IL12RB1: variants seen among roughly 807,000 people sequenced by gnomAD.
IL12RB1 encodes interleukin 12 receptor subunit beta 1, also known as interleukin-12 receptor subunit beta-1.
A neutral mutation model predicts 94.4 loss-of-function variants in IL12RB1; 64 were observed. The observed-to-expected ratio is 0.68, with a 90% confidence interval of 0.55 to 0.83. The LOEUF (loss-of-function observed/expected upper bound fraction) is 0.83. Among genes scored for constraint, IL12RB1 ranks in the 40% least tolerant of loss-of-function variants. IL12RB1 has a pLI of 0.00. For missense variants in IL12RB1, 814 were observed against 855.6 expected, an observed-to-expected ratio of 0.95 and a Z score of 0.61; for synonymous variants, 362 against 355.5, an observed-to-expected ratio of 1.02 and a Z score of -0.21.
chr19:18,098,717 C>T, intron 1 of IL12RB1: 1 of 456,678 alleles, frequency 2.2e-6, no homozygotes, highest in South Asian at 1.5e-5. Flanking sequence ...AAGAAGCCAC[C>T]AAGTTTTCAG....
intron 13 of IL12RB1, among the ~76,000 whole-genome samples, chr19:18,062,871 C>G (rs1185165725): frequency 2.0e-5 from 3 of 151,800 alleles, no homozygotes; most frequent in Non-Finnish European, 2.9e-5. Context: ...CCAACCCTGA[C>G]TCTTTTGTTC....
At chr19:18,064,452 C>T (rs1392557797) in intron 12 of IL12RB1, among the ~76,000 whole-genome samples, 4 of 146,766 alleles carry the variant, frequency 2.7e-5, no homozygotes, top group Admixed American at 6.9e-5. Context: ...AATCTCTTCT[C>T]TTAATGCGCC....
intron 12 of IL12RB1, among the ~76,000 whole-genome samples, chr19:18,066,158 A>C (rs2034565609): frequency 6.7e-6 from 1 of 150,088 alleles, no homozygotes; most frequent in East Asian, 2.0e-4. Flanking sequence ...CCCAGGCTGG[A>C]GTGCACTGGT....
At position 18,077,638 on chromosome 19, in the gene IL12RB1, G is replaced by T; in HGVS notation, c.427C>A (p.Leu143Met). Reference protein sequence around the residue: ...LYNSVKYEPPLGDIKVSKLAG... With the variant: ...LYNSVKYEPPMGDIKVSKLAG... ...AACTTGGACACCTTGATGTCTCCCA[G>T]AGGAGGCTCATATTTAACTGGAAGC... Residue 143 changes from leucine (L) to methionine (M), a missense_variant, in exon 5 of 17, where the codon CTG becomes ATG. Physicochemically the swap from Leu to Met is conservative, Grantham distance 15 (BLOSUM62 2). Coordinates refer to ENST00000593993, the MANE Select transcript of IL12RB1 (RefSeq NM_005535.3). 6.3e-7 allele frequency: 1 copy of T among 1,593,962 alleles called. No homozygotes were observed. Among genetic ancestry groups the T allele is most frequent in the Non-Finnish European group, 8.6e-7 (1 of 1,161,612 alleles).
intron 3 of IL12RB1, among the ~76,000 whole-genome samples, chr19:18,081,209 C>T (rs924883251): frequency 6.6e-6 from 1 of 152,082 alleles, no homozygotes; most frequent in Non-Finnish European, 1.5e-5. Context: ...AATTCTCCCA[C>T]CTCAGCCTCC....
At chr19:18,066,847 C>T (rs2034622147) in intron 11 of IL12RB1, 150 bp from the exon 12 acceptor site, 2 of 632,330 alleles carry the variant, frequency 3.2e-6, no homozygotes, top group Admixed American at 2.3e-5. Context: ...GCCAACATGG[C>T]AAAACCCCTT....
At chr19:18,088,288 A>C (rs2036467925), upstream of IL12RB1, among the ~76,000 whole-genome samples, 1 of 151,870 alleles carries the variant, frequency 6.6e-6, no homozygotes, top group Non-Finnish European at 1.5e-5. Flanking sequence ...GAGGAGGCTG[A>C]GGCAGGAGAA....
intron 1 of IL12RB1, among the ~76,000 whole-genome samples, chr19:18,084,671 A>G (rs2036203705): frequency 6.6e-6 from 1 of 151,746 alleles, no homozygotes; most frequent in Non-Finnish European, 1.5e-5. Flanking sequence ...CCATCCATCC[A>G]TCCATCCATC....
At chr19:18,086,969 A>G (rs1290684601), upstream of IL12RB1, 1 of 1,521,652 alleles carries the variant, frequency 6.6e-7, no homozygotes, top group Admixed American at 2.0e-5. Flanking sequence ...GTAAAGTGTC[A>G]CAGCCCATCC....
chr19:18,098,902 G>C, exon 1 of IL12RB1: 2 of 410,890 alleles, frequency 4.9e-6, no homozygotes, highest in Non-Finnish European at 9.9e-6. Flanking sequence ...GGAGTGATCA[G>C]TTGTGATAAG....
At chr19:18,064,737 G>A (rs2146138557) in intron 12 of IL12RB1, among the ~76,000 whole-genome samples, 1 of 152,298 alleles carries the variant, frequency 6.6e-6, no homozygotes, top group South Asian at 2.1e-4. Context: ...GCCTCCCAAA[G>A]TGCTGGGATT....
At chr19:18,084,403 A>AATCC (rs373555713) in intron 1 of IL12RB1, among the ~76,000 whole-genome samples, 6,146 of 118,324 alleles carry the variant, frequency 0.052, 150 homozygotes, top group Non-Finnish European at 0.071. Context: ...TCCATGTATT[A>AATCC]ATCCATCCAT....
At position 18,076,320 on chromosome 19, in the gene IL12RB1, C is replaced by T. The variant is rs1296334781; in HGVS notation, c.557G>A (p.Cys186Tyr). Residue 186 changes from cysteine to tyrosine, a missense_variant, in exon 6 of 17, where the codon TGC becomes TAC. Physicochemically the swap from Cys to Tyr is radical, Grantham distance 194. Coordinates refer to ENST00000593993, the MANE Select transcript of IL12RB1 (RefSeq NM_005535.3). ...TPSSPWKLGDCGPQDDDTESC... is the reference protein window; with the variant it reads ...TPSSPWKLGDYGPQDDDTESC... The stretch of plus-strand genomic sequence containing the variant: ...ACCAGTATCATCATCCTGAGGTCCG[C>T]AGTCGCCCTAGAATAAAAACATATT... 4.9e-6 allele frequency: 7 copies of T among 1,423,662 alleles called. No individual in the cohort carries two copies. The highest frequency in any genetic ancestry group is 3.5e-4 in the Middle Eastern group (2 of 5,708). 88.2% of individuals were successfully genotyped at this position (1,423,662 alleles called of 1,614,324 possible). A position where few individuals can be genotyped will look rare whatever the true frequency, so the allele number is the denominator to read the frequency against.
At chr19:18,086,388 G>A (rs1054412728) in intron 1 of IL12RB1, among the ~76,000 whole-genome samples, 19 of 151,994 alleles carry the variant, frequency 1.3e-4, no homozygotes, top group African/African-American at 1.7e-4. Context: ...CCATTGCCCC[G>A]TAAATATGGA....
At chr19:18,064,052 C>A in intron 12 of IL12RB1, 42 bp from the exon 13 acceptor site, 2 of 1,537,578 alleles carry the variant, frequency 1.3e-6, no homozygotes, top group Non-Finnish European at 1.8e-6. Context: ...GACCTCTTTA[C>A]TCCTCAGAGG....
chr19:18,064,284 C>A (rs539468801), intron 12 of IL12RB1, among the ~76,000 whole-genome samples: 25 of 151,380 alleles, frequency 1.7e-4, no homozygotes, highest in African/African-American at 5.8e-4. Context: ...AGACTACAGG[C>A]GCCCGCCACC....
intron 12 of IL12RB1, among the ~76,000 whole-genome samples, 192 bp downstream of exon 12, chr19:18,066,350 G>A (rs913123537): frequency 1.3e-5 from 2 of 151,994 alleles, no homozygotes; most frequent in South Asian, 2.1e-4. Flanking sequence ...CAGGTGATCC[G>A]CCCGCCTTGG....
upstream of IL12RB1, chr19:18,091,335 G>A (rs1290791401): frequency 1.3e-5 from 2 of 152,270 alleles, no homozygotes; most frequent in African/African-American, 4.8e-5. Flanking sequence ...AGTTCCCAGG[G>A]CTGCCCCACT....
intron 5 of IL12RB1, among the ~76,000 whole-genome samples, chr19:18,076,925 A>G (rs1327501873): frequency 1.3e-5 from 2 of 152,202 alleles, no homozygotes; most frequent in Non-Finnish European, 2.9e-5. Flanking sequence ...AATTGGTGAC[A>G]TTCAAATAAT....
Sources: gnomAD v4.1 joint callset for allele counts (sites outside exome capture counted in the v4.1 genomes callset) on GRCh38, gnomAD v4.1.1 for gene constraint, MANE v1.5 for transcripts, NCBI Gene and HGNC (gene_info 2026-07-23, HGNC 2026-07-21) for gene names.